Variants in SCHIP1 observed in about 807,000 individuals in gnomAD.
SCHIP1 encodes schwannomin-interacting protein 1.
In SCHIP1, 8 loss-of-function variants were observed where a neutral mutation model predicts 29.7. That is an observed-to-expected ratio of 0.27 (90% CI 0.16 to 0.49). The LOEUF (loss-of-function observed/expected upper bound fraction) is 0.49. Among genes scored for constraint, SCHIP1 ranks in the 20% least tolerant of loss-of-function variants. The pLI, the probability that SCHIP1 is intolerant of heterozygous loss-of-function variation, is 0.99. For missense variants in SCHIP1, 193 were observed against 294.6 expected (o/e 0.66, Z 2.52); for synonymous variants, 76 against 94.9 (o/e 0.80, Z 1.16).
At chr3:159,851,934 A>G (rs948500677) in intron 1 of SCHIP1, among the ~76,000 whole-genome samples, 1 of 152,234 alleles carries the variant, frequency 6.6e-6, no homozygotes, top group Non-Finnish European at 1.5e-5. Context: ...CAAACATGCA[A>G]TTAATTCTTT....
At chr3:159,626,101 G>C in the SCHIP1 span, among the ~76,000 whole-genome samples, 1 of 108,348 alleles carries the variant, frequency 9.2e-6, no homozygotes, top group Admixed American at 8.2e-5. Context: ...TAGATAGATA[G>C]ATAGATAGAT....
the SCHIP1 span, among the ~76,000 whole-genome samples, chr3:159,668,630 G>C: frequency 2.6e-5 from 4 of 152,202 alleles, no homozygotes; most frequent in African/African-American, 9.6e-5. Flanking sequence ...GGCACACTGG[G>C]CCTCTCTGAA....
chr3:159,875,624 C>T (rs540668135), intron 2 of SCHIP1, among the ~76,000 whole-genome samples: 8 of 152,290 alleles, frequency 5.3e-5, no homozygotes, highest in South Asian at 2.1e-4. Context: ...ACACAGTTCA[C>T]GTGACAGTGC....
chr3:159,397,193 T>G, the SCHIP1 span, among the ~76,000 whole-genome samples: 1 of 151,830 alleles, frequency 6.6e-6, no homozygotes, highest in Admixed American at 6.6e-5. Context: ...AGCACTTCTC[T>G]GTATTGGTTA....
chr3:159,375,672 G>T, the SCHIP1 span: 1 of 291,078 alleles, frequency 3.4e-6, no homozygotes, highest in South Asian at 1.3e-4. Flanking sequence ...GGGAGGCGGA[G>T]GTTGCAGTGA....
the SCHIP1 span, among the ~76,000 whole-genome samples, chr3:159,573,675 G>T: frequency 6.6e-6 from 1 of 152,152 alleles, no homozygotes; most frequent in Non-Finnish European, 1.5e-5. Flanking sequence ...GGTTTGGGAA[G>T]TTCTGCTGGA....
the SCHIP1 span, among the ~76,000 whole-genome samples, chr3:159,714,299 C>T: frequency 1.3e-4 from 20 of 152,230 alleles, no homozygotes; most frequent in Middle Eastern, 6.8e-3. Context: ...CAGCTCCAGT[C>T]TACAACTCCC....
chr3:159,642,447 A>C, the SCHIP1 span, among the ~76,000 whole-genome samples: 326 of 152,206 alleles, frequency 2.1e-3, 2 homozygotes, highest in African/African-American at 7.2e-3. Flanking sequence ...CAATATGTGA[A>C]GACTTCAGCT....
chr3:159,839,897 C>T (rs940453024), exon 1 of SCHIP1: 8 of 1,391,132 alleles, frequency 5.8e-6, no homozygotes, highest in East Asian at 5.5e-5. Flanking sequence ...GCTGATTGTG[C>T]GGGTGATGAG....
the SCHIP1 span, among the ~76,000 whole-genome samples, chr3:159,396,697 G>A: frequency 1.1e-3 from 174 of 152,308 alleles, no homozygotes; most frequent in Admixed American, 2.1e-3. Flanking sequence ...TCCGCTGTTA[G>A]TCTGATGGGC....
chr3:159,299,997 AG>A, the SCHIP1 span, among the ~76,000 whole-genome samples: 4 of 151,732 alleles, frequency 2.6e-5, no homozygotes, highest in African/African-American at 7.3e-5. Context: ...GGTTAGAAGC[AG>A]GGGCCTCAGA....
the SCHIP1 span, among the ~76,000 whole-genome samples, chr3:159,318,895 T>C: frequency 6.6e-6 from 1 of 152,108 alleles, no homozygotes; most frequent in Admixed American, 6.6e-5. Flanking sequence ...ACATTCAGTT[T>C]CCACCAAAGC....
the SCHIP1 span, among the ~76,000 whole-genome samples, chr3:159,590,197 C>T: frequency 6.6e-6 from 1 of 152,104 alleles, no homozygotes; most frequent in South Asian, 2.1e-4. Context: ...GGTTCACCAG[C>T]TCTGACGTGT....
At chr3:159,365,007 T>C in the SCHIP1 span, among the ~76,000 whole-genome samples, 1 of 152,114 alleles carries the variant, frequency 6.6e-6, no homozygotes, top group Non-Finnish European at 1.5e-5. Context: ...AGGCTTGGAG[T>C]TAAGGCATCC....
At chr3:159,286,243 G>A in the SCHIP1 span, among the ~76,000 whole-genome samples, 2 of 152,036 alleles carry the variant, frequency 1.3e-5, no homozygotes, top group African/African-American at 2.4e-5. Context: ...GCTTCAAGTA[G>A]GCCCTGGTGT....
At chr3:159,711,642 A>G in the SCHIP1 span, among the ~76,000 whole-genome samples, 1 of 152,178 alleles carries the variant, frequency 6.6e-6, no homozygotes, top group Non-Finnish European at 1.5e-5. Context: ...GCCTATTGTT[A>G]TCAGAACTGA....
At chr3:159,639,399 T>C in the SCHIP1 span, among the ~76,000 whole-genome samples, 9,116 of 152,236 alleles carry the variant, frequency 0.06, 858 homozygotes, top group African/African-American at 0.2. Context: ...TTTATAATCA[T>C]ATTTTATTTC....
upstream of SCHIP1, among the ~76,000 whole-genome samples, chr3:159,836,382 G>C (rs1392244938): frequency 6.6e-6 from 1 of 152,088 alleles, no homozygotes; most frequent in African/African-American, 2.4e-5. Flanking sequence ...ATTTGTGAGG[G>C]CTTCACCCTC....
At chr3:159,478,243 G>T in the SCHIP1 span, among the ~76,000 whole-genome samples, 7 of 151,972 alleles carry the variant, frequency 4.6e-5, no homozygotes, top group Non-Finnish European at 1.0e-4. Context: ...AAACTACTTT[G>T]AGTTGATTTT....
Sources: gnomAD v4.1 joint callset for allele counts (sites outside exome capture counted in the v4.1 genomes callset) on GRCh38, gnomAD v4.1.1 for gene constraint, MANE v1.5 for transcripts, NCBI Gene and HGNC (gene_info 2026-07-23, HGNC 2026-07-21) for gene names.